The following ANKH variants were observed in gnomAD, a reference collection of about 807,000 sequenced individuals.
ANKH encodes mineralization regulator ANKH.
ANKH carries 15 observed loss-of-function variants against 49.0 expected under a neutral mutation model. The ratio of observed to expected loss-of-function variants is 0.31; its 90% CI spans 0.20 to 0.47. ANKH has a LOEUF of 0.47. Among genes scored for constraint, ANKH ranks in the 20% least tolerant of loss-of-function variants. The pLI is 1.00. For missense variants in ANKH, 429 were observed against 652.0 expected (o/e 0.66, Z 3.72); for synonymous variants, 273 against 260.0 (o/e 1.05, Z -0.48).
At chr5:14,779,367 C>T (rs1016066808) in intron 1 of ANKH, among the ~76,000 whole-genome samples, 4 of 152,216 alleles carry the variant, frequency 2.6e-5, no homozygotes, top group Admixed American at 6.5e-5. Context: ...TGACTCCCAA[C>T]GTCCTCTAGT....
Position 14,716,691 on chromosome 5 carries a change from T to G in ANKH, c.1141+15A>C, listed in dbSNP as rs1737474842. ...GGATAAACAGGAATGCTTCCTTCAT[T>G]CTGTTTTTCTTTACCTGGAACTGGG... On this transcript the variant is annotated intron_variant, in intron 9 of 11. Coordinates refer to ENST00000284268, the MANE Select transcript of ANKH (RefSeq NM_054027.6). 6.2e-7 allele frequency: 1 copy of G among 1,613,798 alleles called. No individual in the cohort carries two copies. Among genetic ancestry groups the G allele is most frequent in the South Asian group, 1.1e-5 (1 of 91,068 alleles).
chr5:14,858,235 T>C (rs1037811363), intron 1 of ANKH, among the ~76,000 whole-genome samples: 1 of 152,198 alleles, frequency 6.6e-6, no homozygotes, highest in African/African-American at 2.4e-5. Flanking sequence ...CTGTACCCAA[T>C]GTGTAGTCTT....
intron 1 of ANKH, among the ~76,000 whole-genome samples, chr5:14,858,167 G>A (rs1325721614): frequency 6.6e-6 from 1 of 150,884 alleles, no homozygotes; most frequent in Non-Finnish European, 1.5e-5. Context: ...ATAATTTTTG[G>A]AGTACAGGTG....
chr5:14,779,706 G>C (rs1739746407), intron 1 of ANKH, among the ~76,000 whole-genome samples: 1 of 152,148 alleles, frequency 6.6e-6, no homozygotes, highest in African/African-American at 2.4e-5. Context: ...TTTTTGGGTA[G>C]AATCTATGAA....
At chr5:14,716,894 C>CAGATCA in intron 8 of ANKH, 59 bp from the exon 9 acceptor site, 1 of 1,599,188 alleles carries the variant, frequency 6.3e-7, no homozygotes, top group South Asian at 1.1e-5. Context: ...GTGAAATGAG[C>CAGATCA]AGATCAGGTG....
intron 4 of ANKH, among the ~76,000 whole-genome samples, chr5:14,752,307 CAA>C (rs1221279771): frequency 6.6e-6 from 1 of 151,120 alleles, no homozygotes; most frequent in Non-Finnish European, 1.5e-5. Flanking sequence ...GACCCTATCT[CAA>C]AAAAAAGTCA....
rs368581739 is a variant in ANKH at position 14,808,897 on chromosome 5, C to T, written c.97-39706G>A. Among the ~76,000 whole-genome samples, 104 of 111,046 alleles carry T rather than the reference C, an allele frequency of 9.4e-4. No homozygotes were observed. In the East Asian group the frequency reaches 0.012, roughly 13 times the overall value. The allele number at this position is 111,046 out of a possible 152,430, so 72.9% of individuals were successfully genotyped here. A position where few individuals can be genotyped will look rare whatever the true frequency, so the allele number is the denominator to read the frequency against. On this transcript the variant is annotated intron_variant, in intron 1 of 11. Transcript: ENST00000284268. ...GACACATGCACACGTATGTTTATTG[C>T]GGCATTATTCACAATAGCAAAGACT...
chr5:14,842,653 C>T (rs1741846203), intron 1 of ANKH, among the ~76,000 whole-genome samples: 1 of 152,280 alleles, frequency 6.6e-6, no homozygotes, highest in Admixed American at 6.5e-5. Context: ...TTACAGTGTC[C>T]TGAGAAAACA....
Position 14,758,562 on chromosome 5 carries a change from A to G in ANKH, c.350T>C (p.Leu117Pro), listed in dbSNP as rs1738977528. The change falls in exon 3 of 12, where the codon CTG (leucine) becomes CCG (proline). Residue 117 changes from leucine (L) to proline (P), a missense_variant. Physicochemically the swap from Leu to Pro is moderately conservative, Grantham distance 98. Coordinates refer to ENST00000284268, the MANE Select transcript of ANKH (RefSeq NM_054027.6). The part of the protein sequence containing the change: ...SDLGYYIINK[L>P]HHVDESVGSK... The stretch of plus-strand genomic sequence containing the variant: ...CCCCACCGACTCGTCCACATGGTGC[A>G]GTTTATTGATAATGTAGTATCCTAA... The G allele has an allele frequency of 6.2e-7, 1 of 1,614,136 alleles. No individual in the cohort carries two copies. The highest frequency in any genetic ancestry group is 8.5e-7 in the Non-Finnish European group (1 of 1,179,940).
chr5:14,741,697 T>C, intron 8 of ANKH, 130 bp downstream of exon 8: 1 of 728,974 alleles, frequency 1.4e-6, no homozygotes. Flanking sequence ...GAAAGTGTAT[T>C]GAAGAGATTG....
At chr5:14,756,960 C>T (rs977467401) in intron 3 of ANKH, among the ~76,000 whole-genome samples, 2 of 152,184 alleles carry the variant, frequency 1.3e-5, no homozygotes, top group African/African-American at 4.8e-5. Flanking sequence ...ATTTCAGAAA[C>T]TCTCTTATGG....
chr5:14,869,659 T>G (rs543003769), intron 1 of ANKH: 41 of 152,366 alleles, frequency 2.7e-4, no homozygotes, highest in African/African-American at 9.4e-4. Context: ...CAGGAGATTC[T>G]TTTTCTTATA....
chr5:14,763,517 A>G (rs1229781470), intron 2 of ANKH, among the ~76,000 whole-genome samples: 1 of 152,224 alleles, frequency 6.6e-6, no homozygotes, highest in African/African-American at 2.4e-5. Context: ...ACTAGGCAAC[A>G]CTTGTCCAAT....
At chr5:14,712,998 T>C (rs567513671) in intron 10 of ANKH, 25 bp from the exon 11 acceptor site, 1 of 1,603,448 alleles carries the variant, frequency 6.2e-7, no homozygotes, top group South Asian at 1.1e-5. Flanking sequence ...ACAAAGGCAA[T>C]TTGTCTGTTA....
intron 4 of ANKH, among the ~76,000 whole-genome samples, chr5:14,754,694 T>C (rs921450302): frequency 1.3e-5 from 2 of 152,152 alleles, no homozygotes; most frequent in African/African-American, 4.8e-5. Flanking sequence ...TTCAGGGAAG[T>C]ACTAACAGTT....
At chr5:14,825,705 C>T (rs1169128141) in intron 1 of ANKH, among the ~76,000 whole-genome samples, 2 of 152,100 alleles carry the variant, frequency 1.3e-5, no homozygotes, top group Non-Finnish European at 2.9e-5. Context: ...TGAAATCTAT[C>T]GAATTGATAA....
At chr5:14,747,369 T>C (rs152932) in intron 6 of ANKH, among the ~76,000 whole-genome samples, 39,704 of 151,948 alleles carry the variant, frequency 0.26, 6,418 homozygotes, top group African/African-American at 0.45. Context: ...TGCTTGAGCC[T>C]GGGAGTTCGA....
At chr5:14,732,336 T>C (rs73048839) in intron 8 of ANKH, among the ~76,000 whole-genome samples, 4,690 of 152,026 alleles carry the variant, frequency 0.031, 222 homozygotes, top group African/African-American at 0.11. Flanking sequence ...GAAAAATGGT[T>C]CATACAGGGG....
intron 8 of ANKH, among the ~76,000 whole-genome samples, chr5:14,736,653 G>A (rs935162930): frequency 7.9e-5 from 12 of 151,926 alleles, no homozygotes; most frequent in East Asian, 7.7e-4. Context: ...TGACCTTCAC[G>A]CTACTCCACC....
Sources: gnomAD v4.1 joint callset for allele counts (sites outside exome capture counted in the v4.1 genomes callset) on GRCh38, gnomAD v4.1.1 for gene constraint, MANE v1.5 for transcripts, NCBI Gene and HGNC (gene_info 2026-07-23, HGNC 2026-07-21) for gene names.